Variants in LRRK1 observed in about 807,000 individuals in gnomAD.
The protein encoded by LRRK1 is leucine rich repeat kinase 1.
In LRRK1, 113 loss-of-function variants were observed where a neutral mutation model predicts 209.1. That is an observed-to-expected ratio of 0.54 (90% CI 0.46 to 0.63). The LOEUF (loss-of-function observed/expected upper bound fraction) is 0.63. Among genes scored for constraint, LRRK1 ranks in the 30% least tolerant of loss-of-function variants. The pLI is 0.00. For missense variants in LRRK1, 2,284 were observed against 2,632.2 expected (o/e 0.87, Z 2.89); for synonymous variants, 1,144 against 1,099.7 (o/e 1.04, Z -0.80).
chr15:100,991,600 C>A (rs1484218458), intron 6 of LRRK1, among the ~76,000 whole-genome samples: 1 of 152,104 alleles, frequency 6.6e-6, no homozygotes, highest in African/African-American at 2.4e-5. Context: ...CTTATTCACT[C>A]TAATGTAGTT....
chr15:100,919,604 G>T lies in LRRK1; in HGVS notation c.-123+153G>T, dbSNP rs1018037805. ...TCCGGGCGGCCGCGTGGTCGGGCAC[G>T]GGGGGCCGTTGCGCAGGGGCCGCGG... is the stretch of plus-strand genomic sequence containing the variant. On this transcript the variant is annotated intron_variant, in intron 1 of 33. Coordinates refer to ENST00000388948, the MANE Select transcript of LRRK1 (RefSeq NM_024652.6). The surrounding 1 kb of genome is among the most constrained non-coding windows in gnomAD (Gnocchi z 5.8). Among the ~76,000 whole-genome samples, 32 of 149,576 alleles carry T rather than the reference G, an allele frequency of 2.1e-4. No homozygotes were observed. Among genetic ancestry groups the T allele is most frequent in the African/African-American group, 7.3e-4 (30 of 41,222 alleles).
chr15:101,021,800 G>A (rs2033805259), intron 13 of LRRK1, 45 bp from the exon 14 acceptor site: 2 of 990,272 alleles, frequency 2.0e-6, no homozygotes, highest in Non-Finnish European at 3.1e-6. Context: ...GTGTGTGTGT[G>A]TGTGTGTGTG....
intron 2 of LRRK1, among the ~76,000 whole-genome samples, chr15:100,941,492 G>GCGTCTGTGTCTCTGTGTGTGTC (rs2042436620): frequency 6.8e-6 from 1 of 146,648 alleles, no homozygotes; most frequent in Non-Finnish European, 1.5e-5. Flanking sequence ...GTGTGTGTGT[G>GCGTCTGTGTCTCTGTGTGTGTC]TGTGTGTGTG....
chr15:101,055,132 G>C lies in LRRK1; in HGVS notation c.4241G>C (p.Arg1414Thr). The change falls in exon 27 of 34, where the codon AGG (arginine) becomes ACG (threonine). Residue 1414 changes from arginine (R) to threonine (T), a missense_variant. Arg to Thr is a moderately conservative substitution (Grantham distance 71). Coordinates refer to ENST00000388948, the MANE Select transcript of LRRK1 (RefSeq NM_024652.6). ...NIKLSDYGIS[R>T]QSFHEGALGV... ...AAGCTATCTGACTACGGGATTTCGA[G>C]GCAGTCATTCCATGAGGGCGCCCTA... 6.2e-7 allele frequency: 1 copy of C among 1,613,830 alleles called. No individual in the cohort carries two copies.
intron 2 of LRRK1, among the ~76,000 whole-genome samples, chr15:100,960,277 C>CT (rs3031656): frequency 0.21 from 24,288 of 116,522 alleles, 3,425 homozygotes; most frequent in East Asian, 0.52. Context: ...GTTCATATTG[C>CT]TTTTTTTTTT....
intron 27 of LRRK1, among the ~76,000 whole-genome samples, chr15:101,056,501 A>AAAAG (rs753584610): frequency 2.6e-5 from 4 of 152,152 alleles, no homozygotes; most frequent in Non-Finnish European, 5.9e-5. Context: ...GGGTGGATGG[A>AAAAG]AAAGAGGAAG....
In LRRK1 at chr15:101,012,144, A is replaced by T. The variant is rs1174095366; in HGVS notation, c.1418A>T (p.Asp473Val). 1 of 1,604,948 alleles carries T rather than the reference A, an allele frequency of 6.2e-7. No individual in the cohort carries two copies. Among genetic ancestry groups the T allele is most frequent in the Admixed American group, 1.7e-5 (1 of 57,668 alleles). The stretch of plus-strand genomic sequence containing the variant: ...GTTCCCCTGGGACTTTTCCAGCTTG[A>T]TGTAAGCCTAATAGCCCTTTCTTTC... ...KEVPLGLFQL[D>V]ALMFLRLQGN... Residue 473 changes from aspartate (D) to valine (V), a missense_variant and splice_region_variant, in exon 10 of 34, where the codon GAT (aspartate) becomes GTT (valine). By Grantham distance (152) the Asp-to-Val change is radical. Coordinates refer to ENST00000388948, the MANE Select transcript of LRRK1 (RefSeq NM_024652.6).
At chr15:101,013,372 G>A (rs1213136672) in intron 10 of LRRK1, among the ~76,000 whole-genome samples, 1 of 152,206 alleles carries the variant, frequency 6.6e-6, no homozygotes, top group Non-Finnish European at 1.5e-5. Flanking sequence ...TTGTGGGCGG[G>A]ATAGTTGGTG....
Position 101,066,644 on chromosome 15 carries a change from G to T in LRRK1, c.5773G>T (p.Gly1925Cys). The T allele has an allele frequency of 6.2e-7, 1 of 1,614,142 alleles. No individual in the cohort carries two copies. The highest frequency in any genetic ancestry group is 8.5e-7 in the Non-Finnish European group (1 of 1,179,958). ...TTCTGGGTTTTGGTTGCTTAGGCGC[G>T]GTGGAGATGTTATCGTCATTGGCCT... ...VRDLIWVPRR[G>C]GDVIVIGLEK... The change falls in exon 33 of 34, where the codon GGT becomes TGT. Residue 1925 changes from glycine (G) to cysteine (C), a missense_variant. Physicochemically the swap from Gly to Cys is radical, Grantham distance 159 (BLOSUM62 -3). Around this residue, in one of 6 missense-constraint regions of LRRK1, gnomAD observed 643 missense variants for 695.9 expected, o/e 0.92. Coordinates refer to ENST00000388948, the MANE Select transcript of LRRK1 (RefSeq NM_024652.6).
chr15:101,062,755 C>A, intron 31 of LRRK1, 65 bp downstream of exon 31: 1 of 1,193,966 alleles, frequency 8.4e-7, no homozygotes, highest in Non-Finnish European at 1.3e-6. Context: ...GAGGCGTCTC[C>A]TAGCTATGTC....
At chr15:100,969,369 G>C (rs1239305381) in intron 2 of LRRK1, among the ~76,000 whole-genome samples, 1 of 152,144 alleles carries the variant, frequency 6.6e-6, no homozygotes. Context: ...TCCCATGTAA[G>C]AAAGTAAGTA....
At position 101,065,909 on chromosome 15, in the gene LRRK1, G is replaced by A. The variant is rs2036504260; in HGVS notation, c.5472G>A (p.Leu1824=). The change falls in exon 32 of 34, where the codon CTG becomes CTA. Residue 1824 remains leucine, a synonymous_variant. Coordinates refer to ENST00000388948, the MANE Select transcript of LRRK1 (RefSeq NM_024652.6). The part of the protein sequence containing the change: ...ADVSIMYSEE[L]GTQILIHQES... ...TGAGCATCATGTACAGTGAGGAGCT[G>A]GGCACGCAGATCCTGATCCACCAGG... 6.2e-7 allele frequency: 1 copy of A among 1,614,138 alleles called. No individual in the cohort carries two copies. The highest frequency in any genetic ancestry group is 8.5e-7 in the Non-Finnish European group (1 of 1,180,022).
intron 3 of LRRK1, among the ~76,000 whole-genome samples, chr15:100,982,278 C>T (rs557906076): frequency 2.0e-5 from 3 of 152,290 alleles, no homozygotes; most frequent in Admixed American, 6.5e-5. Context: ...TGTTCAAGCC[C>T]ACAGGAGGCA....
intron 29 of LRRK1, 26 bp from the exon 30 acceptor site, chr15:101,061,145 G>A (rs749529681): frequency 8.3e-6 from 13 of 1,574,080 alleles, no homozygotes; most frequent in Admixed American, 5.1e-5. Context: ...CCCGGGCACT[G>A]ACAGCACAGT....
chr15:100,931,459 T>C (rs1336444015), intron 2 of LRRK1, among the ~76,000 whole-genome samples: 1 of 152,226 alleles, frequency 6.6e-6, no homozygotes, highest in Admixed American at 6.5e-5. Context: ...CATGTTACGA[T>C]GCAAATTTGA....
At position 101,068,693 on chromosome 15, in the gene LRRK1, G is replaced by T; in HGVS notation, c.5893G>T (p.Val1965Leu). 1 of 1,604,630 alleles carries T rather than the reference G, an allele frequency of 6.2e-7. No individual in the cohort carries two copies. The highest frequency in any genetic ancestry group is 8.5e-7 in the Non-Finnish European group (1 of 1,174,304). ...CAGGGTGCTGGTGGATGCTGCCGTGGTGGCAAAGGACACTGTTGTGTGCAC... is the reference window on the plus strand; with the variant it reads ...CAGGGTGCTGGTGGATGCTGCCGTGTTGGCAAAGGACACTGTTGTGTGCAC... ...PHGVLVDAAVVAKDTVVCTFE... is the reference protein window; with the variant it reads ...PHGVLVDAAVLAKDTVVCTFE... The change falls in exon 34 of 34, where the codon GTG becomes TTG. Residue 1965 changes from valine (V) to leucine (L), a missense_variant. Around this residue, in one of 6 missense-constraint regions of LRRK1, gnomAD observed 643 missense variants for 695.9 expected, o/e 0.92. Coordinates refer to ENST00000388948, the MANE Select transcript of LRRK1 (RefSeq NM_024652.6).
chr15:100,943,930 G>A (rs1417763735), intron 2 of LRRK1, among the ~76,000 whole-genome samples: 3 of 151,982 alleles, frequency 2.0e-5, no homozygotes, highest in Admixed American at 6.6e-5. Flanking sequence ...TGCCCACCTC[G>A]GCCTCCCAAA....
chr15:100,960,330 GGA>G (rs2029874092), intron 2 of LRRK1, among the ~76,000 whole-genome samples: 1 of 73,004 alleles, frequency 1.4e-5, no homozygotes, highest in South Asian at 4.4e-4. Flanking sequence ...CTATTCTTTT[GGA>G]ATCAGTTTCC....
Position 101,053,432 on chromosome 15 carries a change from C to T in LRRK1, c.4054+12C>T, listed in dbSNP as rs770711554. The T allele has an allele frequency of 9.6e-6, 15 of 1,562,320 alleles. No homozygotes were observed. Among genetic ancestry groups the T allele is most frequent in the East Asian group, 7.1e-5 (3 of 42,206 alleles). ...CGAGAACGCCAGAGGTACCGCGGCG[C>T]GCCGCCCCACCCGGCCCCGGAGACC... On this transcript the variant is annotated intron_variant, in intron 26 of 33. Transcript: ENST00000388948.
Sources: allele counts gnomAD v4.1 joint callset (sites outside exome capture counted in the v4.1 genomes callset), GRCh38; gene constraint gnomAD v4.1.1; regional missense constraint gnomAD v4.1.1; non-coding constraint Gnocchi (gnomAD v3.1); transcripts MANE v1.5; gene names NCBI Gene and HGNC (gene_info 2026-07-23, HGNC 2026-07-21).